Variants in CCBE1 observed in about 807,000 individuals in gnomAD.
CCBE1 encodes the protein collagen and calcium-binding EGF domain-containing protein 1.
A neutral mutation model predicts 50.0 loss-of-function variants in CCBE1; 37 were observed. That is an observed-to-expected ratio of 0.74 (90% CI 0.57 to 0.97). The LOEUF (loss-of-function observed/expected upper bound fraction) is 0.97, where lower values mean the gene tolerates loss of function less well. Among genes scored for constraint, CCBE1 ranks in the 50% least tolerant of loss-of-function variants. The pLI, the probability that CCBE1 is intolerant of heterozygous loss-of-function variation, is 0.00. For missense variants in CCBE1, 538 were observed against 523.8 expected (o/e 1.03, Z -0.26); for synonymous variants, 234 against 203.7 (o/e 1.15, Z -1.27).
intron 3 of CCBE1, among the ~76,000 whole-genome samples, chr18:59,475,252 A>G (rs188022371): frequency 6.6e-6 from 1 of 152,364 alleles, no homozygotes; most frequent in East Asian, 1.9e-4. Context: ...CCATCCCAAG[A>G]TTAAATCCAT....
At position 59,633,063 on chromosome 18, in the gene CCBE1, C is replaced by T. The variant is rs28520963; in HGVS notation, c.212+63566G>A. Among the ~76,000 whole-genome samples the T allele has an allele frequency of 9.7e-4, 148 of 152,256 alleles. 1 individual carries two copies. Among genetic ancestry groups the T allele is most frequent in the African/African-American group, 2.6e-3 (110 of 41,566 alleles). On this transcript the variant is annotated intron_variant, in intron 2 of 10. Coordinates refer to ENST00000439986, the MANE Select transcript of CCBE1 (RefSeq NM_133459.4). ...ATTTAATTAGTAAGAGGGGACAATC[C>T]AAACAGCCTCCTCCTCCTTCCCTGG...
At chr18:59,562,444 A>G (rs963402550) in intron 2 of CCBE1, among the ~76,000 whole-genome samples, 53 of 152,208 alleles carry the variant, frequency 3.5e-4, no homozygotes, top group African/African-American at 1.2e-3. Context: ...AGAGAGGCAG[A>G]GACAACAGAC....
intron 2 of CCBE1, among the ~76,000 whole-genome samples, chr18:59,530,074 G>A (rs1318412311): frequency 2.0e-5 from 3 of 152,142 alleles, no homozygotes; most frequent in Non-Finnish European, 2.9e-5. Flanking sequence ...TGATGCTGAT[G>A]CTGCTGTTCT....
chr18:59,510,706 G>A (rs758203652), intron 2 of CCBE1, among the ~76,000 whole-genome samples: 2 of 152,204 alleles, frequency 1.3e-5, no homozygotes, highest in Non-Finnish European at 2.9e-5. Context: ...ACAGGCAGGA[G>A]CCACCACACC....
chr18:59,602,992 C>T (rs117797001), intron 2 of CCBE1, among the ~76,000 whole-genome samples: 1,599 of 152,294 alleles, frequency 0.01, 9 homozygotes, highest in Non-Finnish European at 0.015. Flanking sequence ...TACCAACCTC[C>T]GAGGGCTGTC....
intron 2 of CCBE1, among the ~76,000 whole-genome samples, chr18:59,680,447 C>T (rs1251627784): frequency 6.6e-6 from 1 of 151,888 alleles, no homozygotes; most frequent in Non-Finnish European, 1.5e-5. Flanking sequence ...GCATGTAATC[C>T]CAGCACTTTG....
chr18:59,640,376 T>C (rs894227754), intron 2 of CCBE1, among the ~76,000 whole-genome samples: 1 of 151,996 alleles, frequency 6.6e-6, no homozygotes, highest in Non-Finnish European at 1.5e-5. Flanking sequence ...AAACAAGCAA[T>C]AGGGAAAGGA....
At chr18:59,547,013 G>T (rs559633002) in intron 2 of CCBE1, among the ~76,000 whole-genome samples, 1 of 142,202 alleles carries the variant, frequency 7.0e-6, no homozygotes. Context: ...TCAGGGCTGT[G>T]GTTAGAGGAA....
chr18:59,508,505 G>A (rs1393296973), intron 2 of CCBE1, among the ~76,000 whole-genome samples: 2 of 151,934 alleles, frequency 1.3e-5, no homozygotes, highest in Non-Finnish European at 2.9e-5. Context: ...GCTGAGGCAG[G>A]AGGATGACTT....
At chr18:59,549,597 C>T (rs954241776) in intron 2 of CCBE1, among the ~76,000 whole-genome samples, 2 of 152,174 alleles carry the variant, frequency 1.3e-5, no homozygotes, top group African/African-American at 4.8e-5. Context: ...GTCCCACTGA[C>T]TTCTGTTAAT....
At chr18:59,647,226 C>T (rs532202766) in intron 2 of CCBE1, among the ~76,000 whole-genome samples, 13 of 152,190 alleles carry the variant, frequency 8.5e-5, no homozygotes, top group Admixed American at 3.9e-4. Context: ...CAAATTCAGC[C>T]TTAAGTGTTC....
At chr18:59,454,704 A>G (rs1911098109) in intron 6 of CCBE1, 147 bp downstream of exon 6, 2 of 757,314 alleles carry the variant, frequency 2.6e-6, no homozygotes, top group Non-Finnish European at 4.6e-6. Context: ...GGTGGGCAAA[A>G]CATCCCAAGT....
intron 5 of CCBE1, chr18:59,465,420 G>T (rs575188674): frequency 6.6e-6 from 1 of 151,866 alleles, no homozygotes; most frequent in African/African-American, 2.4e-5. Flanking sequence ...CTCAAATAAG[G>T]AAATAACCCG....
In CCBE1 at chr18:59,569,187, G is replaced by C. The variant is rs949984944; in HGVS notation, c.213-88949C>G. Among the ~76,000 whole-genome samples, 3 of 152,172 alleles carry C rather than the reference G, an allele frequency of 2.0e-5. No homozygotes were observed. The South Asian group carries it at 6.2e-4, about 32-fold the overall frequency. On this transcript the variant is annotated intron_variant, in intron 2 of 10. Transcript: ENST00000439986. ...CAGCAACCCAATCTAGAAAGCTATAGCATCTGTCTCATAAGGGCTGGGTTG... is the reference window on the plus strand; with the variant it reads ...CAGCAACCCAATCTAGAAAGCTATACCATCTGTCTCATAAGGGCTGGGTTG...
intron 2 of CCBE1, among the ~76,000 whole-genome samples, chr18:59,654,951 G>C (rs1227190292): frequency 1.3e-5 from 2 of 151,780 alleles, no homozygotes; most frequent in Non-Finnish European, 2.9e-5. Context: ...GCCAGGCATG[G>C]GGGTGGGCAC....
chr18:59,527,605 T>C (rs1429676598), intron 2 of CCBE1, among the ~76,000 whole-genome samples: 4 of 152,214 alleles, frequency 2.6e-5, no homozygotes, highest in African/African-American at 9.7e-5. Flanking sequence ...TGTACTTCAG[T>C]GTGATTTTGT....
chr18:59,527,525 T>A (rs972184441), intron 2 of CCBE1, among the ~76,000 whole-genome samples: 3 of 152,182 alleles, frequency 2.0e-5, no homozygotes, highest in African/African-American at 7.2e-5. Flanking sequence ...GTGAATTTGA[T>A]CCTGTCATGA....
Position 59,697,403 on chromosome 18 carries a change from T to A in CCBE1, c.-61A>T, listed in dbSNP as rs1204936848. On this transcript the variant is annotated 5_prime_UTR_variant, in exon 1 of 11. Coordinates refer to ENST00000439986, the MANE Select transcript of CCBE1 (RefSeq NM_133459.4). ...CCGTCCGGACCAAGCGTCCTGCTCC[T>A]CCGCGGCCGCCGCCGCCTTCCCTCT... 6.6e-7 allele frequency: 1 copy of A among 1,513,102 alleles called. No homozygotes were observed. The highest frequency in any genetic ancestry group is 8.8e-7 in the Non-Finnish European group (1 of 1,132,364). The allele number at this position is 1,513,102 out of a possible 1,614,324, so 93.7% of individuals were successfully genotyped here. A position where few individuals can be genotyped will look rare whatever the true frequency, so the allele number is the denominator to read the frequency against.
intron 2 of CCBE1, among the ~76,000 whole-genome samples, chr18:59,561,709 G>C (rs1211222257): frequency 2.0e-5 from 3 of 152,152 alleles, no homozygotes; most frequent in Non-Finnish European, 2.9e-5. Context: ...AGGTACATCT[G>C]CAAGACTGAC....
Sources: gnomAD v4.1 joint callset for allele counts (sites outside exome capture counted in the v4.1 genomes callset) on GRCh38, gnomAD v4.1.1 for gene constraint, MANE v1.5 for transcripts, NCBI Gene and HGNC (gene_info 2026-07-23, HGNC 2026-07-21) for gene names.